RBFOX1: variants seen among roughly 807,000 people sequenced by gnomAD.
The protein encoded by RBFOX1 is RNA binding protein fox-1 homolog 1.
Under a neutral mutation model 57.7 loss-of-function variants are expected in RBFOX1, and 8 were observed. That is an observed-to-expected ratio of 0.14 (90% CI 0.08 to 0.25). RBFOX1 has a LOEUF of 0.25. Ranked by LOEUF, RBFOX1 falls within the 10% of genes least tolerant of loss-of-function variation. The pLI, the probability that RBFOX1 is intolerant of heterozygous loss-of-function variation, is 1.00. For missense variants in RBFOX1, 611 were observed against 548.5 expected (o/e 1.11, Z -1.14); for synonymous variants, 326 against 222.4 (o/e 1.47, Z -4.15).
chr16:5,802,563 C>T (rs532200016), intron 3 of RBFOX1, among the ~76,000 whole-genome samples: 8 of 152,224 alleles, frequency 5.3e-5, no homozygotes, highest in South Asian at 4.2e-4. Flanking sequence ...TGTTAACCTA[C>T]GGGGAGAAAG....
chr16:7,476,713 C>A lies in RBFOX1; in HGVS notation c.28-41434C>A, dbSNP rs1267904384. Among the ~76,000 whole-genome samples the A allele has an allele frequency of 2.0e-5, 3 of 152,082 alleles. No homozygotes were observed. The East Asian group carries it at 5.8e-4, about 29-fold the overall frequency. On this transcript the variant is annotated intron_variant, in intron 4 of 15. Coordinates refer to ENST00000550418, the MANE Select transcript of RBFOX1 (RefSeq NM_018723.4). The stretch of plus-strand genomic sequence containing the variant: ...CTCACTTCATTTCCCCAGAAAGACC[C>A]CTCTGAAGCATTGCTCTGTATCCTT...
intron 10 of RBFOX1, among the ~76,000 whole-genome samples, chr16:7,619,935 C>T (rs1461420495): frequency 6.6e-6 from 1 of 152,232 alleles, no homozygotes; most frequent in Admixed American, 6.5e-5. Flanking sequence ...CTAGCCCAGA[C>T]ACCTATGGTC....
intron 10 of RBFOX1, among the ~76,000 whole-genome samples, chr16:7,628,161 G>C (rs1296700492): frequency 6.6e-6 from 1 of 152,098 alleles, no homozygotes; most frequent in Non-Finnish European, 1.5e-5. Flanking sequence ...TTGTGTTACA[G>C]TTATACATTT....
intron 11 of RBFOX1, among the ~76,000 whole-genome samples, chr16:7,637,420 A>T (rs1325475573): frequency 1.3e-5 from 2 of 152,200 alleles, no homozygotes; most frequent in African/African-American, 2.4e-5. Context: ...TGATATATTG[A>T]TTGCAGATTT....
chr16:6,949,176 A>C (rs77190842), intron 3 of RBFOX1, among the ~76,000 whole-genome samples: 1 of 151,742 alleles, frequency 6.6e-6, no homozygotes. Flanking sequence ...TGAAAAGTCT[A>C]AGGTCTAGAA....
At chr16:5,831,473 T>TTTG in intron 3 of RBFOX1, among the ~76,000 whole-genome samples, 1 of 141,506 alleles carries the variant, frequency 7.1e-6, no homozygotes, top group East Asian at 2.1e-4. Context: ...TCTTTTCTCT[T>TTTG]TTATTATTAT....
intron 1 of RBFOX1, among the ~76,000 whole-genome samples, chr16:6,249,414 A>G (rs565240114): frequency 9.5e-4 from 145 of 152,236 alleles, no homozygotes; most frequent in Middle Eastern, 6.8e-3. Flanking sequence ...AATCCCAGCT[A>G]CTCGGGAGAC....
At chr16:6,236,200 G>A (rs574837017) in intron 1 of RBFOX1, among the ~76,000 whole-genome samples, 42 of 152,218 alleles carry the variant, frequency 2.8e-4, no homozygotes, top group South Asian at 8.3e-4. Context: ...GTATGCCTTT[G>A]TTGTTGAAAG....
intron 2 of RBFOX1, among the ~76,000 whole-genome samples, chr16:6,514,304 C>G (rs906651824): frequency 6.6e-6 from 1 of 152,196 alleles, no homozygotes; most frequent in East Asian, 1.9e-4. Flanking sequence ...TCATCTGAAT[C>G]TGGCTTCCCG....
chr16:7,103,755 T>C (rs192316167), intron 4 of RBFOX1, among the ~76,000 whole-genome samples: 1 of 152,294 alleles, frequency 6.6e-6, no homozygotes, highest in Admixed American at 6.5e-5. Flanking sequence ...GGTATCAGAA[T>C]TTGTACAGAA....
At chr16:6,619,234 G>A (rs533000161) in intron 2 of RBFOX1, among the ~76,000 whole-genome samples, 1 of 152,166 alleles carries the variant, frequency 6.6e-6, no homozygotes, top group African/African-American at 2.4e-5. Flanking sequence ...AGGCAGCTGG[G>A]CTAACACTGT....
At chr16:6,778,510 T>C (rs2079773763) in intron 3 of RBFOX1, among the ~76,000 whole-genome samples, 1 of 152,116 alleles carries the variant, frequency 6.6e-6, no homozygotes, top group Non-Finnish European at 1.5e-5. Context: ...TTAACATTGA[T>C]TCCCTAAGAT....
chr16:6,884,243 G>C (rs1019402783), intron 3 of RBFOX1, among the ~76,000 whole-genome samples: 1 of 152,142 alleles, frequency 6.6e-6, no homozygotes, highest in South Asian at 2.1e-4. Flanking sequence ...GGGACCCAGG[G>C]AGCGTGGCAA....
rs2056343225 is a variant in RBFOX1 at position 5,833,270 on chromosome 16, G to T, written c.319-34033G>T. Among the ~76,000 whole-genome samples the T allele has an allele frequency of 2.0e-5, 3 of 152,222 alleles. No homozygotes were observed. In the South Asian group the frequency reaches 6.2e-4, roughly 32 times the overall value. ...GCACTTTGGGAGGCTGAGGCAGGTG[G>T]ATCATGAGGTCAGGAGATCGAGACC... On this transcript the variant is annotated intron_variant, in intron 3 of 19. Transcript: ENST00000641259.
chr16:6,216,833 C>T, intron 1 of RBFOX1, among the ~76,000 whole-genome samples: 1 of 152,018 alleles, frequency 6.6e-6, no homozygotes, highest in Admixed American at 6.6e-5. Flanking sequence ...TGCAGCTTCA[C>T]TTGAATGTTG....
chr16:7,268,232 A>C (rs999827813), intron 4 of RBFOX1, among the ~76,000 whole-genome samples: 1 of 152,194 alleles, frequency 6.6e-6, no homozygotes, highest in Non-Finnish European at 1.5e-5. Flanking sequence ...GTAGTTACTG[A>C]ACTGAAATGT....
chr16:7,047,716 C>CTTTTTTTT (rs55636828), intron 3 of RBFOX1, among the ~76,000 whole-genome samples: 58 of 47,906 alleles, frequency 1.2e-3, no homozygotes, highest in Non-Finnish European at 1.7e-3. Flanking sequence ...TCCTGCATTT[C>CTTTTTTTT]TTTTTTTTTT....
At chr16:7,199,695 A>T (rs1401355898) in intron 4 of RBFOX1, among the ~76,000 whole-genome samples, 1 of 152,174 alleles carries the variant, frequency 6.6e-6, no homozygotes, top group Non-Finnish European at 1.5e-5. Context: ...GGAGTTCAAG[A>T]TCTGCCTTTG....
At chr16:6,452,165 T>C (rs762246858) in intron 2 of RBFOX1, among the ~76,000 whole-genome samples, 1 of 147,176 alleles carries the variant, frequency 6.8e-6, no homozygotes, top group Non-Finnish European at 1.5e-5. Flanking sequence ...CACGGCTCCA[T>C]CCATGGATCC....
Sources: gnomAD v4.1 joint callset for allele counts (sites outside exome capture counted in the v4.1 genomes callset) on GRCh38, gnomAD v4.1.1 for gene constraint, MANE v1.5 for transcripts, NCBI Gene and HGNC (gene_info 2026-07-23, HGNC 2026-07-21) for gene names.